The following CNTNAP5 variants were observed in gnomAD, a reference collection of about 807,000 sequenced individuals.
CNTNAP5 encodes the protein contactin-associated protein-like 5.
CNTNAP5 carries 72 observed loss-of-function variants against 150.2 expected under a neutral mutation model. That is an observed-to-expected ratio of 0.48 (90% CI 0.40 to 0.58). The LOEUF (loss-of-function observed/expected upper bound fraction) is 0.58, where lower values mean the gene tolerates loss of function less well. CNTNAP5 is among the 20% of genes least tolerant of loss of function. The pLI is 0.00. For missense variants in CNTNAP5, 1,636 were observed against 1,626.2 expected, an observed-to-expected ratio of 1.01 and a Z score of -0.10; for synonymous variants, 672 against 619.8, an observed-to-expected ratio of 1.08 and a Z score of -1.25.
chr2:124,835,309 T>G (rs1158998119), intron 19 of CNTNAP5, among the ~76,000 whole-genome samples: 1 of 152,322 alleles, frequency 6.6e-6, no homozygotes, highest in African/African-American at 2.4e-5. Context: ...ATCATTTGCT[T>G]ACTGCTCAGT....
At chr2:124,838,611 C>T (rs953953757) in intron 19 of CNTNAP5, among the ~76,000 whole-genome samples, 6 of 152,126 alleles carry the variant, frequency 3.9e-5, no homozygotes, top group Non-Finnish European at 7.4e-5. Context: ...CAGCTGGCTG[C>T]GAATCAAATA....
intron 10 of CNTNAP5, among the ~76,000 whole-genome samples, chr2:124,534,694 G>A (rs915440527): frequency 1.2e-4 from 19 of 152,128 alleles, no homozygotes; most frequent in East Asian, 1.9e-4. Context: ...TCAACATGGC[G>A]AAACCCCGTC....
At chr2:124,684,182 A>C (rs1679142883) in intron 13 of CNTNAP5, among the ~76,000 whole-genome samples, 1 of 152,200 alleles carries the variant, frequency 6.6e-6, no homozygotes, top group African/African-American at 2.4e-5. Flanking sequence ...AAATGACAGC[A>C]GCTGTCATTC....
At chr2:124,656,905 G>A (rs1678470238) in intron 13 of CNTNAP5, among the ~76,000 whole-genome samples, 1 of 152,182 alleles carries the variant, frequency 6.6e-6, no homozygotes, top group African/African-American at 2.4e-5. Context: ...TTTCTTCACT[G>A]TTTTCTCTTC....
intron 1 of CNTNAP5, among the ~76,000 whole-genome samples, chr2:124,215,184 G>C (rs1686122009): frequency 6.6e-6 from 1 of 152,134 alleles, no homozygotes; most frequent in Non-Finnish European, 1.5e-5. Flanking sequence ...GCAATGCTAA[G>C]AGGAATTTTA....
chr2:124,657,201 G>A (rs1393430536), intron 13 of CNTNAP5, among the ~76,000 whole-genome samples: 1 of 152,084 alleles, frequency 6.6e-6, no homozygotes, highest in Non-Finnish European at 1.5e-5. Context: ...TTTCTAAATT[G>A]CACTTCATTT....
Position 124,434,466 on chromosome 2 carries a change from C to T in CNTNAP5, c.530-18C>T. 6.2e-7 allele frequency: 1 copy of T among 1,603,092 alleles called. No individual in the cohort carries two copies. Among genetic ancestry groups the T allele is most frequent in the Non-Finnish European group, 8.5e-7 (1 of 1,170,088 alleles). ...AATATGCACTAATTTTTCTTTCCCG[C>T]TCCTTCTTTGTTCCCAGAATCAGAT... On this transcript the variant is annotated intron_variant, in intron 4 of 23. Transcript: ENST00000682447.
rs1457334328 is a variant in CNTNAP5, at chr2:124,410,547, A to T, written c.382-6896A>T. 2.8e-5 allele frequency among the ~76,000 whole-genome samples: 4 copies of T among 144,250 alleles called. No individual in the cohort carries two copies. The East Asian group carries it at 6.2e-4, about 22-fold the overall frequency. 94.6% of individuals were successfully genotyped at this position (144,250 alleles called of 152,430 possible). On this transcript the variant is annotated intron_variant, in intron 3 of 23. Coordinates refer to ENST00000682447, the MANE Select transcript of CNTNAP5 (RefSeq NM_001367498.1). ...AAACTATCTCTCAGACCACAGTGCA[A>T]TCAAACTAGAACTCAGGATTAAGAA...
chr2:124,561,713 TTCTAATA>T (rs1224174010), intron 10 of CNTNAP5, among the ~76,000 whole-genome samples: 1 of 152,176 alleles, frequency 6.6e-6, no homozygotes, highest in Non-Finnish European at 1.5e-5. Flanking sequence ...AGCAGAAAAT[TTCTAATA>T]TGTCTGAACA....
At chr2:124,540,658 C>CT (rs757810159) in intron 10 of CNTNAP5, among the ~76,000 whole-genome samples, 31 of 150,166 alleles carry the variant, frequency 2.1e-4, no homozygotes, top group Non-Finnish European at 2.8e-4. Context: ...CAGGAATCTG[C>CT]TTTTTTTTAG....
chr2:124,059,524 C>T (rs1308513492), intron 1 of CNTNAP5, among the ~76,000 whole-genome samples: 4 of 152,150 alleles, frequency 2.6e-5, no homozygotes, highest in Non-Finnish European at 5.9e-5. Flanking sequence ...GGATGTCATT[C>T]CTGACCCTCA....
chr2:124,475,013 G>A (rs997843528), intron 7 of CNTNAP5, 131 bp downstream of exon 7: 32 of 669,944 alleles, frequency 4.8e-5, no homozygotes, highest in Admixed American at 3.9e-5. Flanking sequence ...AGCGTCTGAC[G>A]TGACACTGGA....
rs137959369 is a variant in CNTNAP5, at chr2:124,153,522, G to T, written c.83-68183G>T. The stretch of plus-strand genomic sequence containing the variant: ...ACTGGCAGATTCTGTGTCTGGTGAG[G>T]AGGGCCTGCTTCTCGGTTCATAGAC... On this transcript the variant is annotated intron_variant, in intron 1 of 23. Transcript: ENST00000682447. Among the ~76,000 whole-genome samples the T allele has an allele frequency of 4.7e-3, 710 of 151,964 alleles. 4 individuals are homozygous for T. Among genetic ancestry groups the T allele is most frequent in the Non-Finnish European group, 8.3e-3 (563 of 67,966 alleles).
At chr2:124,735,489 C>T (rs1680363730) in intron 13 of CNTNAP5, among the ~76,000 whole-genome samples, 1 of 151,422 alleles carries the variant, frequency 6.6e-6, no homozygotes. Context: ...TAGACTAATA[C>T]AGTTGGAAAG....
rs552309408 is a variant in CNTNAP5, at chr2:124,727,489, C to T, written c.2078-19740C>T. Among the ~76,000 whole-genome samples, 8 of 152,034 alleles carry T rather than the reference C, an allele frequency of 5.3e-5. No individual in the cohort carries two copies. In the South Asian group the frequency reaches 6.2e-4, roughly 12 times the overall value. On this transcript the variant is annotated intron_variant, in intron 13 of 23. Coordinates refer to ENST00000682447, the MANE Select transcript of CNTNAP5 (RefSeq NM_001367498.1). The stretch of plus-strand genomic sequence containing the variant: ...TATTTATTTGTGTCTTTCACCATTT[C>T]GTTTATCAATGTTTTATAGTATTCA...
chr2:124,805,425 C>T (rs1337473435), intron 19 of CNTNAP5, among the ~76,000 whole-genome samples: 1 of 152,080 alleles, frequency 6.6e-6, no homozygotes, highest in African/African-American at 2.4e-5. Flanking sequence ...CACAATACAC[C>T]TGGGGCAACA....
chr2:124,264,086 G>A (rs1687536257), intron 3 of CNTNAP5, among the ~76,000 whole-genome samples: 1 of 151,902 alleles, frequency 6.6e-6, no homozygotes, highest in African/African-American at 2.4e-5. Context: ...GGTTATTTTT[G>A]CTATATGTAG....
intron 1 of CNTNAP5, among the ~76,000 whole-genome samples, chr2:124,216,969 A>T (rs894249839): frequency 1.3e-5 from 2 of 152,174 alleles, no homozygotes; most frequent in Non-Finnish European, 2.9e-5. Flanking sequence ...CGCCACACCA[A>T]CTTCCACAAT....
chr2:124,800,799 T>C (rs755474138), intron 19 of CNTNAP5, among the ~76,000 whole-genome samples: 1 of 152,134 alleles, frequency 6.6e-6, no homozygotes, highest in African/African-American at 2.4e-5. Context: ...TGTATGATTG[T>C]TTAAGTTTAG....
Sources: gnomAD v4.1 joint callset for allele counts (sites outside exome capture counted in the v4.1 genomes callset) on GRCh38, gnomAD v4.1.1 for gene constraint, MANE v1.5 for transcripts, NCBI Gene and HGNC (gene_info 2026-07-23, HGNC 2026-07-21) for gene names.